CYP3A5: variants seen among roughly 807,000 people sequenced by gnomAD.
CYP3A5 encodes cytochrome P450 family 3 subfamily A member 5.
In CYP3A5, 51 loss-of-function variants were observed where a neutral mutation model predicts 55.9. The observed-to-expected ratio is 0.91, with a 90% CI of 0.73 to 1.15. The LOEUF (loss-of-function observed/expected upper bound fraction) is 1.15, where lower values mean the gene tolerates loss of function less well. CYP3A5 is among the 50% of genes most tolerant of loss of function. The pLI, the probability that CYP3A5 is intolerant of heterozygous loss-of-function variation, is 0.00. For missense variants in CYP3A5, 533 were observed against 596.6 expected (o/e 0.89, Z 1.11); for synonymous variants, 196 against 213.9 (o/e 0.92, Z 0.73).
Position 99,663,952 on chromosome 7 carries a change from C to A in CYP3A5, c.798+16G>T. ...CAAAACCTAAACATCGTCATTTAAC[C>A]ACCATCAGATTTTACCTTTTGTTTG... On this transcript the variant is annotated intron_variant, in intron 8 of 12. Coordinates refer to ENST00000222982, the MANE Select transcript of CYP3A5 (RefSeq NM_000777.5). 1 of 1,570,348 alleles carries A rather than the reference C, an allele frequency of 6.4e-7. No individual in the cohort carries two copies. Among genetic ancestry groups the A allele is most frequent in the South Asian group, 1.2e-5 (1 of 82,838 alleles).
intron 1 of CYP3A5, chr7:99,677,219 T>C: frequency 1.0e-6 from 1 of 985,290 alleles, no homozygotes; most frequent in Non-Finnish European, 1.2e-6. Context: ...CCCCCTCCGG[T>C]GTGACTGAGG....
In CYP3A5 at chr7:99,652,392, T is replaced by C. The variant is rs1171479431; in HGVS notation, c.1253+161A>G. The C allele has an allele frequency of 7.3e-6, 4 of 550,820 alleles. No homozygotes were observed. The East Asian group carries it at 1.2e-4, about 17-fold the overall frequency. 34.1% of individuals were successfully genotyped at this position (550,820 alleles called of 1,614,324 possible). A position where few individuals can be genotyped will look rare whatever the true frequency, so the allele number is the denominator to read the frequency against. On this transcript the variant is annotated intron_variant, in intron 11 of 12. Coordinates refer to ENST00000222982, the MANE Select transcript of CYP3A5 (RefSeq NM_000777.5). ...ATGGATGTAGTTTCGTTTTTTCTAG[T>C]CTGTGGTTTGTAAAGTTTGATAATT...
intron 9 of CYP3A5, among the ~76,000 whole-genome samples, chr7:99,661,054 A>G (rs894582298): frequency 6.6e-6 from 1 of 152,238 alleles, no homozygotes; most frequent in Non-Finnish European, 1.5e-5. Flanking sequence ...TTGATTTTCT[A>G]CAATAGAGCT....
At position 99,665,288 on chromosome 7, in the gene CYP3A5, A is replaced by C. The variant is rs777252753; in HGVS notation, c.548T>G (p.Val183Gly). 6.2e-7 allele frequency: 1 copy of C among 1,614,102 alleles called. No homozygotes were observed. The highest frequency in any genetic ancestry group is 1.3e-5 in the African/African-American group (1 of 74,932). ...CACTCCAAATGATGTGCCAGTAATC[A>C]CATCCATGCTGTAGGCCCCAAAGAT... ...KDIFGAYSMD[V>G]ITGTSFGVNI... The change falls in exon 7 of 13, where the codon GTG (valine) becomes GGG (glycine). Residue 183 changes from valine (V) to glycine (G), a missense_variant. Transcript: ENST00000222982.
rs983893158 is a variant in CYP3A5, at chr7:99,660,659, G to A, written c.866C>T (p.Ala289Val). The A allele has an allele frequency of 3.1e-6, 5 of 1,613,498 alleles. No individual in the cohort carries two copies. The African/African-American group carries it at 5.3e-5, about 17-fold the overall frequency. Residue 289 changes from alanine (A) to valine (V), a missense_variant and splice_region_variant, in exon 10 of 13, where the codon GCT becomes GTT. Coordinates refer to ENST00000222982, the MANE Select transcript of CYP3A5 (RefSeq NM_000777.5). ...GGCTGCGAGCTCCAGATCAGACAGA[G>A]CTGAAAGGAGAGGAAAGACATTTTA... ...QNSKETESHK[A>V]LSDLELAAQS...
intron 11 of CYP3A5, among the ~76,000 whole-genome samples, chr7:99,650,911 C>A (rs1281553612): frequency 1.3e-5 from 2 of 152,144 alleles, no homozygotes; most frequent in Non-Finnish European, 1.5e-5. Context: ...TTCCATTAAG[C>A]TATAAATTCT....
intron 8 of CYP3A5, chr7:99,663,666 G>A (rs1157313197): frequency 2.0e-6 from 2 of 1,022,958 alleles, no homozygotes; most frequent in Non-Finnish European, 2.3e-6. Flanking sequence ...TTTCAAACAG[G>A]AAACTTTATC....
chr7:99,679,736 T>C (rs1812653115), intron 1 of CYP3A5, 90 bp downstream of exon 1: 2 of 1,275,302 alleles, frequency 1.6e-6, no homozygotes, highest in Non-Finnish European at 2.3e-6. Context: ...TGAACATCTC[T>C]TTTGATCTTC....
At chr7:99,663,343 ACTCTATATAATCTT>A (rs1810634445) in intron 8 of CYP3A5, 1 of 993,686 alleles carries the variant, frequency 1.0e-6, no homozygotes, top group Non-Finnish European at 1.2e-6. Context: ...ACATTCTCAA[ACTCTATATAATCTT>A]CAGTGACAGC....
chr7:99,664,925 G>T (rs1268276129), intron 7 of CYP3A5, among the ~76,000 whole-genome samples: 1 of 152,164 alleles, frequency 6.6e-6, no homozygotes, highest in Non-Finnish European at 1.5e-5. Context: ...GAGGCAGAAA[G>T]TTGATTATTG....
At chr7:99,660,700 C>G in intron 9 of CYP3A5, 41 bp from the exon 10 acceptor site, 1 of 1,604,956 alleles carries the variant, frequency 6.2e-7, no homozygotes, top group South Asian at 1.1e-5. Context: ...ATCAGGTCAA[C>G]GTACAACATC....
At chr7:99,665,682 C>G (rs1040161639) in intron 6 of CYP3A5, among the ~76,000 whole-genome samples, 1 of 152,242 alleles carries the variant, frequency 6.6e-6, no homozygotes, top group Non-Finnish European at 1.5e-5. Flanking sequence ...ATAATTAACT[C>G]TTCCTAGTGG....
intron 1 of CYP3A5, 68 bp from the exon 2 acceptor site, chr7:99,676,276 C>T (rs1420893330): frequency 1.9e-6 from 3 of 1,606,792 alleles, no homozygotes; most frequent in Non-Finnish European, 2.6e-6. Context: ...TGGTGAGTTA[C>T]TCAGGAACTG....
chr7:99,672,494 AC>A lies in CYP3A5; in HGVS notation c.318+85del, dbSNP rs1339487289. On this transcript the variant is annotated intron_variant, in intron 4 of 12. Transcript: ENST00000222982. ...AACCTTCCTGTACATTTTTTAGGTAACCTTCTGTGAATATATGTTTTTTTCA... is the reference window on the plus strand; with the variant it reads ...AACCTTCCTGTACATTTTTTAGGTAACTTCTGTGAATATATGTTTTTTTCA... 2.5e-6 allele frequency: 3 copies of A among 1,187,014 alleles called. No homozygotes were observed. The African/African-American group carries it at 4.5e-5, about 18-fold the overall frequency. The allele number at this position is 1,187,014 out of a possible 1,614,324, so 73.5% of individuals were successfully genotyped here.
rs568109057 is a variant in CYP3A5, at chr7:99,665,875, G to A, written c.522-561C>T. Among the ~76,000 whole-genome samples, 34 of 152,236 alleles carry A rather than the reference G, an allele frequency of 2.2e-4. No individual in the cohort carries two copies. The South Asian group carries it at 5.8e-3, about 26-fold the overall frequency. On this transcript the variant is annotated intron_variant, in intron 6 of 12. Transcript: ENST00000222982. Reference sequence around the variant, plus strand: ...CCCAGCTCCTCTGACCTGAAGTTGCGCTGAGAGCAGAGTCATTTTTGTAAG... The same window carrying A: ...CCCAGCTCCTCTGACCTGAAGTTGCACTGAGAGCAGAGTCATTTTTGTAAG...
intron 4 of CYP3A5, among the ~76,000 whole-genome samples, chr7:99,668,881 T>G (rs1324479536): frequency 6.6e-6 from 1 of 152,156 alleles, no homozygotes; most frequent in Non-Finnish European, 1.5e-5. Context: ...AGGTATTAGG[T>G]GTGTTTGTGG....
chr7:99,649,164 C>T (rs1009837883), intron 12 of CYP3A5, among the ~76,000 whole-genome samples: 1 of 152,112 alleles, frequency 6.6e-6, no homozygotes, highest in Admixed American at 6.5e-5. Flanking sequence ...AATATCTTCC[C>T]TGTCCCAGGT....
At chr7:99,677,849 A>G (rs1157903242) in intron 1 of CYP3A5, among the ~76,000 whole-genome samples, 2 of 152,228 alleles carry the variant, frequency 1.3e-5, no homozygotes, top group Non-Finnish European at 2.9e-5. Flanking sequence ...CTGACCTCTC[A>G]GGTGAGGACA....
chr7:99,651,636 T>A (rs937684798), intron 11 of CYP3A5, among the ~76,000 whole-genome samples: 6 of 152,156 alleles, frequency 3.9e-5, no homozygotes, highest in Non-Finnish European at 1.5e-5. Flanking sequence ...AACTTGCAGG[T>A]AGGGGCTAAT....
Sources: gnomAD v4.1 joint callset for allele counts (sites outside exome capture counted in the v4.1 genomes callset) on GRCh38, gnomAD v4.1.1 for gene constraint, MANE v1.5 for transcripts, NCBI Gene and HGNC (gene_info 2026-07-23, HGNC 2026-07-21) for gene names.